Variants in DAB1 observed in about 807,000 individuals in gnomAD.
DAB1 encodes DAB adaptor protein 1.
A neutral mutation model predicts 64.6 loss-of-function variants in DAB1; 15 were observed. The observed-to-expected ratio is 0.23, with a 90% CI of 0.16 to 0.36. The LOEUF (loss-of-function observed/expected upper bound fraction) is 0.36. Ranked by LOEUF, DAB1 falls within the 10% of genes least tolerant of loss-of-function variation. The pLI, the probability that DAB1 is intolerant of heterozygous loss-of-function variation, is 1.00. For missense variants in DAB1, 596 were observed against 706.7 expected (o/e 0.84, Z 1.78); for synonymous variants, 235 against 251.9 (o/e 0.93, Z 0.64).
chr1:58,438,185 G>C (rs1271153747), intron 3 of DAB1, among the ~76,000 whole-genome samples: 13 of 152,126 alleles, frequency 8.5e-5, no homozygotes, highest in Admixed American at 8.5e-4. Context: ...TTTCGTTCCA[G>C]CTAGTTTGAG....
intron 1 of DAB1, among the ~76,000 whole-genome samples, chr1:57,849,117 G>A (rs945972805): frequency 4.6e-5 from 7 of 152,086 alleles, no homozygotes; most frequent in African/African-American, 9.7e-5. Flanking sequence ...TTGAGACAGG[G>A]GAAATTACAT....
chr1:57,993,822 G>A (rs763471803), intron 5 of DAB1, among the ~76,000 whole-genome samples: 3 of 152,168 alleles, frequency 2.0e-5, no homozygotes, highest in Non-Finnish European at 4.4e-5. Flanking sequence ...AGAAAGTTCA[G>A]TTGCACTGGT....
At position 57,439,433 on chromosome 1, in the gene DAB1, T is replaced by TTTTTTTTGTTTTTTGTTTTTTTTTG. The variant is rs1553181976; in HGVS notation, n.626-148268_626-148267insCAAAAAAAAACAAAAAACAAAAAAA. 2.0e-4 allele frequency among the ~76,000 whole-genome samples: 26 copies of TTTTTTTTGTTTTTTGTTTTTTTTTG among 131,976 alleles called. No individual in the cohort carries two copies. In the East Asian group the frequency reaches 2.9e-3, roughly 15 times the overall value. The allele number at this position is 131,976 out of a possible 152,430, so 86.6% of individuals were successfully genotyped here. On this transcript the variant is annotated intron_variant and non_coding_transcript_variant, in intron 7 of 20. Coordinates refer to the DAB1 transcript ENST00000485760. ...TGGTGATGAGGTTTTTTCTTTTTTT[T>TTTTTTTTGTTTTTTGTTTTTTTTTG]TTTTTTTTTTTTTTGAGACGGAGTC... is the stretch of plus-strand genomic sequence containing the variant.
At chr1:57,715,492 C>T (rs1440470116) in intron 6 of DAB1, among the ~76,000 whole-genome samples, 1 of 152,052 alleles carries the variant, frequency 6.6e-6, no homozygotes, top group Non-Finnish European at 1.5e-5. Context: ...AAAAAGGAAG[C>T]CAAATTGTTT....
intron 1 of DAB1, among the ~76,000 whole-genome samples, chr1:57,295,609 A>G (rs1673128724): frequency 1.3e-5 from 2 of 152,172 alleles, no homozygotes; most frequent in Non-Finnish European, 2.9e-5. Context: ...TTTGGGCATT[A>G]AAAAGCCTAG....
chr1:58,001,082 C>T (rs1646500290), intron 5 of DAB1, among the ~76,000 whole-genome samples: 1 of 151,394 alleles, frequency 6.6e-6, no homozygotes, highest in Non-Finnish European at 1.5e-5. Flanking sequence ...ATAATCCCTT[C>T]CTCTCCTTCC....
intron 6 of DAB1, among the ~76,000 whole-genome samples, chr1:57,675,122 C>T (rs1418903518): frequency 6.6e-6 from 1 of 152,196 alleles, no homozygotes; most frequent in East Asian, 1.9e-4. Context: ...TCTCAAGTGA[C>T]CACATGGAAC....
intron 6 of DAB1, among the ~76,000 whole-genome samples, chr1:57,785,902 G>T (rs1339900019): frequency 6.6e-6 from 1 of 152,176 alleles, no homozygotes; most frequent in Admixed American, 6.5e-5. Flanking sequence ...CTATCAAACA[G>T]CATCACATGT....
At chr1:57,516,656 CAT>C (rs1644467309) in intron 7 of DAB1, among the ~76,000 whole-genome samples, 1 of 152,222 alleles carries the variant, frequency 6.6e-6, no homozygotes, top group Admixed American at 6.5e-5. Context: ...CCAAGTCCCT[CAT>C]GGAGTCCTTC....
chr1:57,417,353 A>G (rs188545259), intron 1 of DAB1, among the ~76,000 whole-genome samples: 26 of 152,318 alleles, frequency 1.7e-4, no homozygotes, highest in African/African-American at 5.8e-4. Context: ...TAGCATTCCA[A>G]TAAAGGAACA....
chr1:57,530,234 G>C (rs1157535718), intron 7 of DAB1, among the ~76,000 whole-genome samples: 1 of 152,174 alleles, frequency 6.6e-6, no homozygotes, highest in Non-Finnish European at 1.5e-5. Flanking sequence ...TGCTATCTTT[G>C]ATATGACAGC....
At chr1:58,290,857 G>A (rs556188120) in intron 4 of DAB1, among the ~76,000 whole-genome samples, 3 of 152,290 alleles carry the variant, frequency 2.0e-5, no homozygotes, top group African/African-American at 7.2e-5. Context: ...CCACGTGCTT[G>A]TTTTCAGTAC....
chr1:57,817,669 T>A (rs1651930933), intron 6 of DAB1, among the ~76,000 whole-genome samples: 1 of 152,178 alleles, frequency 6.6e-6, no homozygotes, highest in South Asian at 2.1e-4. Flanking sequence ...AGTGTGTGAA[T>A]CAGAAATGAG....
intron 4 of DAB1, among the ~76,000 whole-genome samples, chr1:57,076,747 G>A (rs1652031289): frequency 6.6e-6 from 1 of 152,156 alleles, no homozygotes. Context: ...CCCATCCAAG[G>A]AACCTACCTT....
intron 3 of DAB1, among the ~76,000 whole-genome samples, chr1:58,375,502 G>A (rs1213674): frequency 0.04 from 5,682 of 143,448 alleles, 402 homozygotes; most frequent in African/African-American, 0.14. Flanking sequence ...TGCGTATATT[G>A]AACCAGCCTT....
intron 7 of DAB1, among the ~76,000 whole-genome samples, chr1:57,557,021 C>T (rs1644997092): frequency 6.6e-6 from 1 of 152,084 alleles, no homozygotes; most frequent in African/African-American, 2.4e-5. Flanking sequence ...GCCCTTTCCC[C>T]ACTGTGATGG....
At chr1:58,344,850 A>G (rs1349126198) in intron 3 of DAB1, among the ~76,000 whole-genome samples, 1 of 148,124 alleles carries the variant, frequency 6.8e-6, no homozygotes. Flanking sequence ...AATGATGGGC[A>G]CAAGATAGGC....
intron 5 of DAB1, among the ~76,000 whole-genome samples, chr1:58,072,643 A>G (rs1649349493): frequency 6.6e-6 from 1 of 152,196 alleles, no homozygotes. Flanking sequence ...ATTTTTTGAG[A>G]TGAGGAAATT....
intron 3 of DAB1, among the ~76,000 whole-genome samples, chr1:58,454,305 C>T (rs1045089233): frequency 1.3e-5 from 2 of 152,146 alleles, no homozygotes; most frequent in Non-Finnish European, 2.9e-5. Flanking sequence ...AAAGTCAAGA[C>T]TACACGTCCA....
Sources: gnomAD v4.1 joint callset for allele counts (sites outside exome capture counted in the v4.1 genomes callset) on GRCh38, gnomAD v4.1.1 for gene constraint, MANE v1.5 for transcripts, NCBI Gene and HGNC (gene_info 2026-07-23, HGNC 2026-07-21) for gene names.